CCIN: variants seen among roughly 807,000 people sequenced by gnomAD.
CCIN encodes testis tissue sperm-binding protein Li 65n.
In CCIN, 15 loss-of-function variants were observed where a neutral mutation model predicts 32.2. That is an observed-to-expected ratio of 0.47 (90% CI 0.31 to 0.72). The LOEUF is 0.72. CCIN is among the 30% of genes least tolerant of loss of function. The pLI, the probability that CCIN is intolerant of heterozygous loss-of-function variation, is 0.05. For missense variants in CCIN, 623 were observed against 759.4 expected, an observed-to-expected ratio of 0.82 and a Z score of 2.11; for synonymous variants, 302 against 297.4, an observed-to-expected ratio of 1.02 and a Z score of -0.16.
At position 36,170,627 on chromosome 9, in the gene CCIN, G is replaced by T; in HGVS notation, c.1125G>T (p.Gly375=). Residue 375 remains glycine (G), a synonymous_variant, in exon 1 of 1, where the codon GGG becomes GGT. Transcript: ENST00000335119. ...TCCACACCATGGTGACCTGTGGGGG[G>T]ACAGTGTACTCAGTGGGCGGGAGCA... ...LVFHTMVTCG[G]TVYSVGGSIA... 6.2e-7 allele frequency: 1 copy of T among 1,614,152 alleles called. No homozygotes were observed. Among genetic ancestry groups the T allele is most frequent in the South Asian group, 1.1e-5 (1 of 91,074 alleles).
Position 36,169,676 on chromosome 9 carries a change from C to A in CCIN, c.174C>A (p.Ser58=), listed in dbSNP as rs1014892389. 2 of 1,614,204 alleles carry A rather than the reference C, an allele frequency of 1.2e-6. No individual in the cohort carries two copies. The highest frequency in any genetic ancestry group is 1.7e-6 in the Non-Finnish European group (2 of 1,180,042). Residue 58 remains serine (S), a synonymous_variant, in exon 1 of 1, where the codon TCC becomes TCA. Transcript: ENST00000335119. The part of the protein sequence containing the change: ...AVSPLVRSLI[S]SNDMKTADEL... Reference sequence around the variant, plus strand: ...CCCCACTGGTGAGGAGCCTCATCTCCAGCAATGACATGAAGACCGCTGATG... The same window carrying A: ...CCCCACTGGTGAGGAGCCTCATCTCAAGCAATGACATGAAGACCGCTGATG...
Position 36,169,886 on chromosome 9 carries a change from C to A in CCIN, c.384C>A (p.Ile128=). 1 of 1,614,154 alleles carries A rather than the reference C, an allele frequency of 6.2e-7. No individual in the cohort carries two copies. The highest frequency in any genetic ancestry group is 8.5e-7 in the Non-Finnish European group (1 of 1,180,046). The change falls in exon 1 of 1, where the codon ATC becomes ATA. Residue 128 remains isoleucine, a synonymous_variant. Transcript: ENST00000335119. The part of the protein sequence containing the change: ...VHCNDFLIKS[I]CRANCLRYLF... ...GTAACGACTTCCTTATTAAGTCCATCTGCCGTGCCAACTGCTTGCGCTACC... is the reference window on the plus strand; with the variant it reads ...GTAACGACTTCCTTATTAAGTCCATATGCCGTGCCAACTGCTTGCGCTACC...
chr9:36,170,324 A>T lies in CCIN; in HGVS notation c.822A>T (p.Lys274Asn), dbSNP rs770904174. The T allele has an allele frequency of 5.0e-6, 8 of 1,614,046 alleles. No individual in the cohort carries two copies. Among genetic ancestry groups the T allele is most frequent in the Non-Finnish European group, 6.8e-6 (8 of 1,180,044 alleles). ...GCAGCCTGCTGGTCTACCAGCGGAA[A>T]GGGGCCCTGCTTGATTCCGTGGTCA... ...RPCSLLVYQR[K>N]GALLDSVVIL... The change falls in exon 1 of 1, where the codon AAA becomes AAT. Residue 274 changes from lysine (K) to asparagine (N), a missense_variant. Transcript: ENST00000335119.
Position 36,171,292 on chromosome 9 carries a change from T to A in CCIN, c.*23T>A. The stretch of plus-strand genomic sequence containing the variant: ...TAAACATTTTAAGTGGGAGAATAAG[T>A]AAATGCATTATTATTCACGATTTAA... On this transcript the variant is annotated 3_prime_UTR_variant, in exon 1 of 1. Transcript: ENST00000335119. 1 of 1,598,424 alleles carries A rather than the reference T, an allele frequency of 6.3e-7. No homozygotes were observed. The highest frequency in any genetic ancestry group is 8.5e-7 in the Non-Finnish European group (1 of 1,172,890).
chr9:36,170,434 C>T lies in CCIN; in HGVS notation c.932C>T (p.Ser311Leu), dbSNP rs1826295248. Residue 311 changes from serine to leucine, a missense_variant, in exon 1 of 1, where the codon TCA (serine) becomes TTA (leucine). Ser to Leu is a moderately radical substitution (Grantham distance 145). Coordinates refer to ENST00000335119, the MANE Select transcript of CCIN (RefSeq NM_005893.3). ...IIQENLWMKL[S>L]DMPYRAAALS... Reference sequence around the variant, plus strand: ...CAGGAGAACCTGTGGATGAAGCTCTCAGACATGCCCTATCGGGCAGCAGCA... The same window carrying T: ...CAGGAGAACCTGTGGATGAAGCTCTTAGACATGCCCTATCGGGCAGCAGCA... 6.2e-7 allele frequency: 1 copy of T among 1,613,996 alleles called. No individual in the cohort carries two copies. Among genetic ancestry groups the T allele is most frequent in the Admixed American group, 1.7e-5 (1 of 60,014 alleles).
Position 36,169,581 on chromosome 9 carries a change from T to C in CCIN, c.79T>C (p.Tyr27His). The change falls in exon 1 of 1, where the codon TAC becomes CAC. Residue 27 changes from tyrosine to histidine, a missense_variant. Tyr to His is a moderately conservative substitution (Grantham distance 83, BLOSUM62 2). Transcript: ENST00000335119. ...NLNRQRKRKE[Y>H]WDMALSVDNH... is the part of the protein sequence containing the mutation. Reference sequence around the variant, plus strand: ...GAACAGACAGAGGAAACGCAAAGAGTACTGGGACATGGCCCTGAGTGTGGA... The same window carrying C: ...GAACAGACAGAGGAAACGCAAAGAGCACTGGGACATGGCCCTGAGTGTGGA... 6.2e-7 allele frequency: 1 copy of C among 1,614,130 alleles called. No homozygotes were observed. Among genetic ancestry groups the C allele is most frequent in the Non-Finnish European group, 8.5e-7 (1 of 1,180,020 alleles).
At position 36,170,948 on chromosome 9, in the gene CCIN, C is replaced by T; in HGVS notation, c.1446C>T (p.His482=). The change falls in exon 1 of 1, where the codon CAC becomes CAT. Residue 482 remains histidine, a synonymous_variant. Coordinates refer to ENST00000335119, the MANE Select transcript of CCIN (RefSeq NM_005893.3). ...SFQQDNILCV[H]SHRQSVEINL... Reference sequence around the variant, plus strand: ...AACAGGACAACATCCTCTGCGTGCACAGCCACCGGCAGAGTGTGGAAATCA... The same window carrying T: ...AACAGGACAACATCCTCTGCGTGCATAGCCACCGGCAGAGTGTGGAAATCA... The T allele has an allele frequency of 6.2e-7, 1 of 1,614,200 alleles. No individual in the cohort carries two copies. The highest frequency in any genetic ancestry group is 1.3e-5 in the African/African-American group (1 of 75,054).
Position 36,170,482 on chromosome 9 carries a change from G to C in CCIN, c.980G>C (p.Arg327Pro). 1 of 1,614,086 alleles carries C rather than the reference G, an allele frequency of 6.2e-7. No individual in the cohort carries two copies. The highest frequency in any genetic ancestry group is 1.1e-5 in the South Asian group (1 of 91,092). The change falls in exon 1 of 1, where the codon CGC becomes CCC. Residue 327 changes from arginine (R) to proline (P), a missense_variant. Transcript: ENST00000335119. The stretch of plus-strand genomic sequence containing the variant: ...GCACTTAGTGCCACCTCTGCTGGTC[G>C]CTACATCTACATCTCTGGTGGCACC... ...AAALSATSAG[R>P]YIYISGGTTE...
chr9:36,170,966 G>C lies in CCIN; in HGVS notation c.1464G>C (p.Val488=), dbSNP rs1563896059. The part of the protein sequence containing the change: ...ILCVHSHRQS[V]EINLQKVKAS... The stretch of plus-strand genomic sequence containing the variant: ...GCGTGCACAGCCACCGGCAGAGTGT[G>C]GAAATCAATCTGCAGAAGGTGAAGG... Residue 488 remains valine, a synonymous_variant, in exon 1 of 1, where the codon GTG becomes GTC. Coordinates refer to ENST00000335119, the MANE Select transcript of CCIN (RefSeq NM_005893.3). The C allele has an allele frequency of 2.5e-6, 4 of 1,614,190 alleles. No homozygotes were observed. Among genetic ancestry groups the C allele is most frequent in the Non-Finnish European group, 2.5e-6 (3 of 1,180,040 alleles).
Position 36,170,029 on chromosome 9 carries a change from C to T in CCIN, c.527C>T (p.Pro176Leu). Reference protein sequence around the residue: ...PEGSMHFMRCPPVIFGRLLRD... With the variant: ...PEGSMHFMRCLPVIFGRLLRD... Reference sequence around the variant, plus strand: ...GGCTCCATGCACTTCATGCGCTGTCCACCTGTTATCTTTGGCCGCCTGCTC... The same window carrying T: ...GGCTCCATGCACTTCATGCGCTGTCTACCTGTTATCTTTGGCCGCCTGCTC... Residue 176 changes from proline (P) to leucine (L), a missense_variant, in exon 1 of 1, where the codon CCA becomes CTA. By Grantham distance (98) the Pro-to-Leu change is moderately conservative (BLOSUM62 -3). Transcript: ENST00000335119. 6.2e-7 allele frequency: 1 copy of T among 1,614,102 alleles called. No individual in the cohort carries two copies. Among genetic ancestry groups the T allele is most frequent in the Non-Finnish European group, 8.5e-7 (1 of 1,180,028 alleles).
chr9:36,170,939 C>G lies in CCIN; in HGVS notation c.1437C>G (p.Leu479=), dbSNP rs757269417. 1.9e-6 allele frequency: 3 copies of G among 1,614,246 alleles called. No homozygotes were observed. Among genetic ancestry groups the G allele is most frequent in the South Asian group, 2.2e-5 (2 of 91,088 alleles). The change falls in exon 1 of 1, where the codon CTC becomes CTG. Residue 479 remains leucine, a synonymous_variant. Transcript: ENST00000335119. Reference sequence around the variant, plus strand: ...TCTCTTTCCAACAGGACAACATCCTCTGCGTGCACAGCCACCGGCAGAGTG... The same window carrying G: ...TCTCTTTCCAACAGGACAACATCCTGTGCGTGCACAGCCACCGGCAGAGTG... ...PLLSFQQDNI[L]CVHSHRQSVE...
In CCIN at chr9:36,170,506, C is replaced by T. The variant is rs1264687062; in HGVS notation, c.1004C>T (p.Thr335Ile). Reference protein sequence around the residue: ...AGRYIYISGGTTEQISGLKTA... With the variant: ...AGRYIYISGGITEQISGLKTA... Reference sequence around the variant, plus strand: ...CGCTACATCTACATCTCTGGTGGCACCACTGAGCAGATTTCAGGGCTGAAG... The same window carrying T: ...CGCTACATCTACATCTCTGGTGGCATCACTGAGCAGATTTCAGGGCTGAAG... The change falls in exon 1 of 1, where the codon ACC becomes ATC. Residue 335 changes from threonine to isoleucine, a missense_variant. Coordinates refer to ENST00000335119, the MANE Select transcript of CCIN (RefSeq NM_005893.3). 1.2e-6 allele frequency: 2 copies of T among 1,614,166 alleles called. No individual in the cohort carries two copies. The highest frequency in any genetic ancestry group is 1.1e-5 in the South Asian group (1 of 91,090).
Position 36,170,022 on chromosome 9 carries a change from C to A in CCIN, c.520C>A (p.Arg174Ser). The change falls in exon 1 of 1, where the codon CGC (arginine) becomes AGC (serine). Residue 174 changes from arginine to serine, a missense_variant. By Grantham distance (110) the Arg-to-Ser change is moderately radical. Transcript: ENST00000335119. Reference protein sequence around the residue: ...ASPEGSMHFMRCPPVIFGRLL... With the variant: ...ASPEGSMHFMSCPPVIFGRLL... ...TCCTGAGGGCTCCATGCACTTCATG[C>A]GCTGTCCACCTGTTATCTTTGGCCG... 1 of 1,613,944 alleles carries A rather than the reference C, an allele frequency of 6.2e-7. No homozygotes were observed. Among genetic ancestry groups the A allele is most frequent in the Non-Finnish European group, 8.5e-7 (1 of 1,180,012 alleles).
chr9:36,170,599 T>C lies in CCIN; in HGVS notation c.1097T>C (p.Val366Ala), dbSNP rs374164378. Residue 366 changes from valine (V) to alanine (A), a missense_variant, in exon 1 of 1, where the codon GTC becomes GCC. By Grantham distance (64) the Val-to-Ala change is moderately conservative. Coordinates refer to ENST00000335119, the MANE Select transcript of CCIN (RefSeq NM_005893.3). ...TTGCCTGACCTGCCCATCGGGCTTG[T>C]CTTCCACACCATGGTGACCTGTGGG... ...TKLPDLPIGL[V>A]FHTMVTCGGT... The C allele has an allele frequency of 8.1e-6, 13 of 1,613,946 alleles. No individual in the cohort carries two copies. Among genetic ancestry groups the C allele is most frequent in the African/African-American group, 8.0e-5 (6 of 74,954 alleles).
chr9:36,170,955 C>T lies in CCIN; in HGVS notation c.1453C>T (p.Arg485Trp), dbSNP rs45579743. The T allele has an allele frequency of 3.0e-3, 4,794 of 1,614,178 alleles. 23 individuals are homozygous for T. The highest frequency in any genetic ancestry group is 0.013 in the Middle Eastern group (77 of 6,062). The change falls in exon 1 of 1, where the codon CGG (arginine) becomes TGG (tryptophan). Residue 485 changes from arginine to tryptophan, a missense_variant. Physicochemically the swap from Arg to Trp is moderately radical, Grantham distance 101. Coordinates refer to ENST00000335119, the MANE Select transcript of CCIN (RefSeq NM_005893.3). The stretch of plus-strand genomic sequence containing the variant: ...CAACATCCTCTGCGTGCACAGCCAC[C>T]GGCAGAGTGTGGAAATCAATCTGCA... Reference protein sequence around the residue: ...QDNILCVHSHRQSVEINLQKV... With the variant: ...QDNILCVHSHWQSVEINLQKV...
rs778620659 is a variant in CCIN, at chr9:36,170,501, T to C, written c.999T>C (p.Gly333=). 1 of 1,614,166 alleles carries C rather than the reference T, an allele frequency of 6.2e-7. No individual in the cohort carries two copies. Among genetic ancestry groups the C allele is most frequent in the Non-Finnish European group, 8.5e-7 (1 of 1,180,038 alleles). ...CTGGTCGCTACATCTACATCTCTGG[T>C]GGCACCACTGAGCAGATTTCAGGGC... ...TSAGRYIYIS[G]GTTEQISGLK... is the part of the protein sequence containing the mutation. The change falls in exon 1 of 1, where the codon GGT becomes GGC. Residue 333 remains glycine (G), a synonymous_variant. Coordinates refer to ENST00000335119, the MANE Select transcript of CCIN (RefSeq NM_005893.3).
In CCIN at chr9:36,170,823, C is replaced by T. The variant is rs139241361; in HGVS notation, c.1321C>T (p.Arg441Trp). Residue 441 changes from arginine (R) to tryptophan (W), a missense_variant, in exon 1 of 1, where the codon CGG (arginine) becomes TGG (tryptophan). Transcript: ENST00000335119. ...GRCLVKGYIS[R>W]VGVVDCFDTS... ...GTGCTTGGTGAAAGGTTATATCTCC[C>T]GGGTCGGGGTAGTGGACTGCTTTGA... 175 of 1,614,122 alleles carry T rather than the reference C, an allele frequency of 1.1e-4. No homozygotes were observed. Among genetic ancestry groups the T allele is most frequent in the Non-Finnish European group, 1.4e-4 (162 of 1,180,058 alleles).
rs756685413 is a variant in CCIN at position 36,169,685 on chromosome 9, C to T, written c.183C>T (p.Asp61=). The T allele has an allele frequency of 1.9e-6, 3 of 1,614,196 alleles. No homozygotes were observed. Among genetic ancestry groups the T allele is most frequent in the Non-Finnish European group, 2.5e-6 (3 of 1,180,042 alleles). ...PLVRSLISSN[D]MKTADELFIT... is the part of the protein sequence containing the mutation. Reference sequence around the variant, plus strand: ...TGAGGAGCCTCATCTCCAGCAATGACATGAAGACCGCTGATGAGCTTTTCA... The same window carrying T: ...TGAGGAGCCTCATCTCCAGCAATGATATGAAGACCGCTGATGAGCTTTTCA... The change falls in exon 1 of 1, where the codon GAC becomes GAT. Residue 61 remains aspartate, a synonymous_variant. Coordinates refer to ENST00000335119, the MANE Select transcript of CCIN (RefSeq NM_005893.3).
In CCIN at chr9:36,169,772, T is replaced by C. The variant is rs766054139; in HGVS notation, c.270T>C (p.Tyr90=). The change falls in exon 1 of 1, where the codon TAT becomes TAC. Residue 90 remains tyrosine (Y), a synonymous_variant. Transcript: ENST00000335119. The part of the protein sequence containing the change: ...VTVDQLLDYF[Y]SGKVVISEQN... ...TGGACCAGCTTCTGGACTACTTCTA[T>C]AGCGGCAAGGTGGTGATCTCCGAGC... The C allele has an allele frequency of 4.3e-6, 7 of 1,614,176 alleles. No homozygotes were observed. The highest frequency in any genetic ancestry group is 1.1e-5 in the South Asian group (1 of 91,078).
Sources: gnomAD v4.1 joint callset for allele counts on GRCh38, gnomAD v4.1.1 for gene constraint, MANE v1.5 for transcripts, NCBI Gene and HGNC (gene_info 2026-07-23, HGNC 2026-07-21) for gene names.